Variants in SGCE observed in about 807,000 individuals in gnomAD.
The protein encoded by SGCE is sarcoglycan epsilon, also known as epsilon-sarcoglycan.
SGCE carries 26 observed loss-of-function variants against 57.8 expected under a neutral mutation model. The observed-to-expected ratio is 0.45, with a 90% CI of 0.33 to 0.62. The LOEUF (loss-of-function observed/expected upper bound fraction) is 0.62, where lower values mean the gene tolerates loss of function less well. Among genes scored for constraint, SGCE ranks in the 20% least tolerant of loss-of-function variants. SGCE has a pLI of 0.02. For missense variants in SGCE, 468 were observed against 548.6 expected (o/e 0.85, Z 1.47); for synonymous variants, 183 against 189.5 (o/e 0.97, Z 0.28).
intron 1 of SGCE, among the ~76,000 whole-genome samples, chr7:94,632,725 G>T (rs1257026575): frequency 6.6e-6 from 1 of 151,930 alleles, no homozygotes; most frequent in Admixed American, 6.6e-5. Flanking sequence ...TTTCCCTTTC[G>T]CATTTGTTAC....
At chr7:94,638,152 G>A (rs1413882794) in intron 1 of SGCE, among the ~76,000 whole-genome samples, 2 of 152,182 alleles carry the variant, frequency 1.3e-5, no homozygotes, top group African/African-American at 4.8e-5. Flanking sequence ...TGGAACAAGT[G>A]CATCTAGTGC....
chr7:94,648,376 C>CAAAAAAAAAAAAAAAAAAAAAAAAAAA (rs71123907), intron 1 of SGCE, among the ~76,000 whole-genome samples: 1 of 65,080 alleles, frequency 1.5e-5, no homozygotes, highest in Non-Finnish European at 2.8e-5. Flanking sequence ...ACTCTGTCTC[C>CAAAAAAAAAAAAAAAAAAAAAAAAAAA]AAAAAAAAAA....
At position 94,618,959 on chromosome 7, in the gene SGCE, A is replaced by G; in HGVS notation, c.464-3T>C. The G allele has an allele frequency of 1.2e-6, 2 of 1,607,232 alleles. No individual in the cohort carries two copies. ...TGCTTGATATGGCAACGGGAAGTCT[A>G]ATTTTGGTGAAAAAGGGCATGCATA... On this transcript the variant is annotated splice_polypyrimidine_tract_variant and splice_region_variant and intron_variant, in intron 4 of 10. Transcript: ENST00000648936.
chr7:94,629,685 G>C, intron 2 of SGCE, 34 bp downstream of exon 2: 1 of 1,607,724 alleles, frequency 6.2e-7, no homozygotes, highest in South Asian at 1.1e-5. Flanking sequence ...AATTTAGTAC[G>C]TTAACTGCTT....
At chr7:94,647,428 C>A (rs1807257924) in intron 1 of SGCE, among the ~76,000 whole-genome samples, 1 of 152,160 alleles carries the variant, frequency 6.6e-6, no homozygotes, top group Admixed American at 6.5e-5. Flanking sequence ...TCAACTCTAT[C>A]CTCAATTACT....
At chr7:94,587,624 G>A in intron 10 of SGCE, 1 of 1,423,710 alleles carries the variant, frequency 7.0e-7, no homozygotes, top group Non-Finnish European at 9.1e-7. Flanking sequence ...TCAATCTCCT[G>A]AATGCTTACA....
intron 3 of SGCE, chr7:94,627,082 C>T (rs1803840773): frequency 6.6e-6 from 1 of 151,920 alleles, no homozygotes; most frequent in Admixed American, 6.6e-5. Context: ...AAGTACCTGT[C>T]TATCTTATAG....
intron 8 of SGCE, 170 bp from the exon 9 acceptor site, chr7:94,599,133 T>C (rs769638676): frequency 1.7e-6 from 1 of 573,000 alleles, no homozygotes; most frequent in Non-Finnish European, 3.1e-6. Flanking sequence ...CACATACTTT[T>C]AATATAACAA....
Position 94,599,987 on chromosome 7 carries a change from A to G in SGCE, c.1038-264T>C, listed in dbSNP as rs558678946. On this transcript the variant is annotated intron_variant, in intron 7 of 10. Coordinates refer to ENST00000648936, the MANE Select transcript of SGCE (RefSeq NM_003919.3). ...TTGATTGAAATAAATTCTATGACAT[A>G]ATGAAATCAAGCTACATGTAAAAAT... 23 of 345,166 alleles carry G rather than the reference A, an allele frequency of 6.7e-5. No homozygotes were observed. In the South Asian group the frequency reaches 1.3e-3, roughly 20 times the overall value. The allele number at this position is 345,166 out of a possible 1,614,324, so 21.4% of individuals were successfully genotyped here.
At chr7:94,592,108 A>G (rs974653276) in intron 9 of SGCE, among the ~76,000 whole-genome samples, 2 of 152,240 alleles carry the variant, frequency 1.3e-5, no homozygotes, top group African/African-American at 2.4e-5. Flanking sequence ...AGATGTGTGC[A>G]CATAGCTCTG....
intron 1 of SGCE, among the ~76,000 whole-genome samples, chr7:94,642,393 T>C (rs1444551076): frequency 6.6e-6 from 1 of 152,202 alleles, no homozygotes; most frequent in African/African-American, 2.4e-5. Context: ...CCCAGGGTTT[T>C]TCCTGATGGC....
chr7:94,613,715 G>A (rs925629674), intron 5 of SGCE, among the ~76,000 whole-genome samples: 1 of 152,116 alleles, frequency 6.6e-6, no homozygotes, highest in Non-Finnish European at 1.5e-5. Flanking sequence ...TCCAATGATT[G>A]TATTTTTTCC....
At chr7:94,616,324 A>C (rs1011642698) in intron 5 of SGCE, among the ~76,000 whole-genome samples, 1 of 152,230 alleles carries the variant, frequency 6.6e-6, no homozygotes, top group African/African-American at 2.4e-5. Flanking sequence ...ATGTGTAATA[A>C]ATAGGAAATA....
At chr7:94,637,603 T>C (rs1805770941) in intron 1 of SGCE, among the ~76,000 whole-genome samples, 1 of 152,190 alleles carries the variant, frequency 6.6e-6, no homozygotes, top group African/African-American at 2.4e-5. Flanking sequence ...GATGACACTA[T>C]ATGTCAAGGT....
intron 1 of SGCE, among the ~76,000 whole-genome samples, chr7:94,631,329 T>G (rs907273948): frequency 4.6e-5 from 7 of 151,554 alleles, no homozygotes; most frequent in African/African-American, 9.7e-5. Flanking sequence ...GATACCACAA[T>G]GTACCCTGAA....
rs562012722 is a variant in SGCE at position 94,603,106 on chromosome 7, G to C, written c.825+184C>G. On this transcript the variant is annotated intron_variant, in intron 6 of 10. Transcript: ENST00000648936. ...CAAGGATAGAATAAGTACAAAAGTG[G>C]ATATATTCTTTCCTAAACGGATGCA... Among the ~76,000 whole-genome samples, 151 of 152,218 alleles carry C rather than the reference G, an allele frequency of 9.9e-4. 1 individual carries two copies. The highest frequency in any genetic ancestry group is 3.5e-3 in the African/African-American group (146 of 41,550).
At chr7:94,625,954 T>C (rs1803654458) in intron 3 of SGCE, 1 of 152,088 alleles carries the variant, frequency 6.6e-6, no homozygotes, top group African/African-American at 2.4e-5. Flanking sequence ...GATACTCAAC[T>C]GTATGAGATA....
chr7:94,650,061 T>C (rs1472135314), intron 1 of SGCE, among the ~76,000 whole-genome samples: 5 of 152,162 alleles, frequency 3.3e-5, no homozygotes, highest in African/African-American at 1.2e-4. Flanking sequence ...CAGATCACCA[T>C]ACAGGAAAGA....
rs754956483 is a variant in SGCE, at chr7:94,603,451, C to T, written c.664G>A (p.Val222Ile). 6.8e-6 allele frequency: 11 copies of T among 1,612,638 alleles called. No individual in the cohort carries two copies. The highest frequency in any genetic ancestry group is 1.1e-5 in the South Asian group (1 of 91,044). ...ACATCTGCACCAACCATGACATAAA[C>T]GCTGTAAAAATGTGAAACTCTCAGG... ...PLPINDLKEGVYVMVGADVPF... is the reference protein window; with the variant it reads ...PLPINDLKEGIYVMVGADVPF... The change falls in exon 6 of 11, where the codon GTT becomes ATT. Residue 222 changes from valine (V) to isoleucine (I), a missense_variant and splice_region_variant. Val to Ile is a conservative substitution (Grantham distance 29). Coordinates refer to ENST00000648936, the MANE Select transcript of SGCE (RefSeq NM_003919.3).
Sources: gnomAD v4.1 joint callset for allele counts (sites outside exome capture counted in the v4.1 genomes callset) on GRCh38, gnomAD v4.1.1 for gene constraint, MANE v1.5 for transcripts, NCBI Gene and HGNC (gene_info 2026-07-23, HGNC 2026-07-21) for gene names.